The following ICA1 variants were observed in gnomAD, a reference collection of about 807,000 sequenced individuals.
ICA1 encodes 69 kDa islet cell autoantigen.
A neutral mutation model predicts 71.0 loss-of-function variants in ICA1; 40 were observed. The observed-to-expected ratio is 0.56, with a 90% confidence interval of 0.44 to 0.73. ICA1 has a LOEUF of 0.73. ICA1 is among the 30% of genes least tolerant of loss of function. The pLI is 0.00. For synonymous variants in ICA1, 207 were observed against 209.5 expected, an observed-to-expected ratio of 0.99 and a Z score of 0.10; for missense variants, 578 against 576.5, an observed-to-expected ratio of 1.00 and a Z score of -0.03.
intron 8 of ICA1, among the ~76,000 whole-genome samples, chr7:8,150,030 A>G (rs1798274526): frequency 6.6e-6 from 1 of 152,252 alleles, no homozygotes; most frequent in Non-Finnish European, 1.5e-5. Flanking sequence ...GGTAGCCTTG[A>G]ATTGTACTGT....
At chr7:8,209,767 A>C (rs1792988835) in intron 6 of ICA1, among the ~76,000 whole-genome samples, 1 of 152,218 alleles carries the variant, frequency 6.6e-6, no homozygotes, top group Non-Finnish European at 1.5e-5. Flanking sequence ...CGTGGCTTTA[A>C]ATGATGCCTC....
chr7:8,262,278 C>T (rs1410759910), upstream of ICA1: 1 of 152,022 alleles, frequency 6.6e-6, no homozygotes, highest in East Asian at 1.9e-4. Flanking sequence ...CACCGCAGCG[C>T]AGCGCAGCGG....
chr7:8,253,600 T>A (rs1287045536), intron 1 of ICA1, among the ~76,000 whole-genome samples: 1 of 152,080 alleles, frequency 6.6e-6, no homozygotes, highest in Non-Finnish European at 1.5e-5. Flanking sequence ...AGAAAATATA[T>A]CTTCTATTTT....
chr7:8,160,148 G>C (rs548217970), intron 6 of ICA1, among the ~76,000 whole-genome samples: 2 of 152,228 alleles, frequency 1.3e-5, no homozygotes, highest in East Asian at 3.9e-4. Flanking sequence ...GTATTTGCAT[G>C]CATTTTAAAG....
intron 6 of ICA1, among the ~76,000 whole-genome samples, chr7:8,203,713 G>A (rs965615099): frequency 1.3e-5 from 2 of 152,156 alleles, no homozygotes; most frequent in East Asian, 3.9e-4. Flanking sequence ...TGTCTGCAGG[G>A]GGCCTGTTAA....
In ICA1 at chr7:8,143,921, T is replaced by C; in HGVS notation, c.856A>G (p.Ile286Val). The C allele has an allele frequency of 6.2e-7, 1 of 1,613,184 alleles. No homozygotes were observed. The highest frequency in any genetic ancestry group is 8.5e-7 in the Non-Finnish European group (1 of 1,179,236). The change falls in exon 9 of 14, where the codon ATC becomes GTC. Residue 286 changes from isoleucine to valine, a missense_variant. Coordinates refer to ENST00000402384, the MANE Select transcript of ICA1 (RefSeq NM_001136020.3). ...KLVEKEEKKKINQQESTDAAV... is the reference protein window; with the variant it reads ...KLVEKEEKKKVNQQESTDAAV... ...GCATCTGTACTTTCCTGCTGGTTGA[T>C]TTTCTTCTTCTCTTCTTTCTCAACT... is the stretch of plus-strand genomic sequence containing the variant.
intron 6 of ICA1, among the ~76,000 whole-genome samples, chr7:8,204,632 T>C (rs1016277924): frequency 5.3e-5 from 8 of 152,224 alleles, no homozygotes; most frequent in African/African-American, 1.7e-4. Context: ...TATCACATTG[T>C]TCATTGTGGA....
At chr7:8,261,352 T>C (rs1237288756) in intron 1 of ICA1, among the ~76,000 whole-genome samples, 2 of 152,076 alleles carry the variant, frequency 1.3e-5, no homozygotes, top group South Asian at 2.1e-4. Context: ...AAGGCAGACA[T>C]AACAACAGGA....
intron 6 of ICA1, among the ~76,000 whole-genome samples, chr7:8,215,730 CA>C (rs1307761825): frequency 1.3e-5 from 2 of 152,072 alleles, no homozygotes; most frequent in Non-Finnish European, 2.9e-5. Flanking sequence ...AGTGTGAACT[CA>C]AAAAAGAGAA....
At chr7:8,189,791 T>C (rs1416147184) in intron 6 of ICA1, among the ~76,000 whole-genome samples, 2 of 138,038 alleles carry the variant, frequency 1.4e-5, no homozygotes, top group African/African-American at 5.3e-5. Context: ...GCAGGGGGGC[T>C]GGGCAGGGGG....
In ICA1 at chr7:8,113,932, G is replaced by A; in HGVS notation, c.1443C>T (p.Leu481=). 1 of 1,614,146 alleles carries A rather than the reference G, an allele frequency of 6.2e-7. No homozygotes were observed. Among genetic ancestry groups the A allele is most frequent in the Non-Finnish European group, 8.5e-7 (1 of 1,180,008 alleles). ...VGKTDKEHEL[L]NA is the part of the protein sequence containing the mutation. ...CCCGAAGGGTACAGATTCATGCATTGAGCAATTCGTGTTCTTTATCGGTTT... is the reference window on the plus strand; with the variant it reads ...CCCGAAGGGTACAGATTCATGCATTAAGCAATTCGTGTTCTTTATCGGTTT... Residue 481 remains leucine (L), a synonymous_variant, in exon 14 of 14, where the codon CTC becomes CTT. Transcript: ENST00000402384. This position sits in a 1 kb window ranked among gnomAD's most constrained non-coding sequence, Gnocchi z 4.2.
Position 8,132,357 on chromosome 7 carries a change from C to T in ICA1, c.1061-4215G>A, listed in dbSNP as rs1290465100. ...CTATCTCAACAATAATCAGCCTTCA[C>T]TTGATGTTGCTCTCCACCCTCCCCT... On this transcript the variant is annotated intron_variant, in intron 12 of 13. Coordinates refer to ENST00000402384, the MANE Select transcript of ICA1 (RefSeq NM_001136020.3). The surrounding 1 kb of genome is among the most constrained non-coding windows in gnomAD (Gnocchi z 4.5). 6.6e-6 allele frequency among the ~76,000 whole-genome samples: 1 copy of T among 152,210 alleles called. No homozygotes were observed. Among genetic ancestry groups the T allele is most frequent in the Non-Finnish European group, 1.5e-5 (1 of 68,036 alleles).
intron 10 of ICA1, 86 bp downstream of exon 10, chr7:8,141,679 A>C: frequency 1.3e-6 from 1 of 786,826 alleles, no homozygotes; most frequent in Non-Finnish European, 2.1e-6. Flanking sequence ...AAGGCCTAGG[A>C]GGAGTTTGTC....
intron 6 of ICA1, among the ~76,000 whole-genome samples, chr7:8,197,424 G>C (rs900169062): frequency 6.6e-5 from 10 of 151,064 alleles, no homozygotes; most frequent in African/African-American, 2.4e-4. Flanking sequence ...ATGGCGGTGC[G>C]TGCCTGTAGT....
At chr7:8,146,211 A>G (rs1584510697) in intron 8 of ICA1, among the ~76,000 whole-genome samples, 1 of 152,182 alleles carries the variant, frequency 6.6e-6, no homozygotes, top group African/African-American at 2.4e-5. Flanking sequence ...CGAGGGATAG[A>G]AAGTGATTGG....
chr7:8,171,607 G>C (rs1808369442), intron 6 of ICA1, among the ~76,000 whole-genome samples: 1 of 151,606 alleles, frequency 6.6e-6, no homozygotes, highest in African/African-American at 2.4e-5. Flanking sequence ...ATTGTTTTCT[G>C]TTTATGGTTT....
intron 8 of ICA1, among the ~76,000 whole-genome samples, chr7:8,149,193 C>A (rs1274783445): frequency 6.6e-6 from 1 of 152,158 alleles, no homozygotes; most frequent in Non-Finnish European, 1.5e-5. Flanking sequence ...GAGCCACATA[C>A]GAATCCACGT....
chr7:8,139,160 ACT>A (rs1794373487), intron 10 of ICA1, 113 bp from the exon 11 acceptor site: 4 of 787,728 alleles, frequency 5.1e-6, no homozygotes, highest in Non-Finnish European at 6.3e-6. Flanking sequence ...GGATCCACAA[ACT>A]CAGCCAGAAG....
At chr7:8,196,384 G>A (rs1787578483) in intron 6 of ICA1, among the ~76,000 whole-genome samples, 1 of 152,194 alleles carries the variant, frequency 6.6e-6, no homozygotes, top group African/African-American at 2.4e-5. Flanking sequence ...AAGCACAGAT[G>A]ACTGCTCGGG....
Sources: allele counts gnomAD v4.1 joint callset (sites outside exome capture counted in the v4.1 genomes callset), GRCh38; gene constraint gnomAD v4.1.1; non-coding constraint Gnocchi (gnomAD v3.1); transcripts MANE v1.5; gene names NCBI Gene and HGNC (gene_info 2026-07-23, HGNC 2026-07-21).